Variants in ANGPT1 observed in about 807,000 individuals in gnomAD.
ANGPT1 encodes angiopoietin 1.
A neutral mutation model predicts 62.2 loss-of-function variants in ANGPT1; 17 were observed. That is an observed-to-expected ratio of 0.27 (90% CI 0.19 to 0.41). The LOEUF is 0.41. Ranked by LOEUF, ANGPT1 falls within the 10% of genes least tolerant of loss-of-function variation. ANGPT1 has a pLI of 1.00. For synonymous variants in ANGPT1, 199 were observed against 198.9 expected (o/e 1.00, Z 0.00); for missense variants, 478 against 594.9 (o/e 0.80, Z 2.04).
chr8:107,303,859 G>A (rs1814653228), intron 4 of ANGPT1, among the ~76,000 whole-genome samples: 1 of 150,862 alleles, frequency 6.6e-6, no homozygotes, highest in Non-Finnish European at 1.5e-5. Context: ...AACAATGGAA[G>A]TACTGTTTTT....
chr8:107,312,063 C>CAAA (rs927603600), intron 4 of ANGPT1, among the ~76,000 whole-genome samples: 1 of 71,056 alleles, frequency 1.4e-5, no homozygotes, highest in African/African-American at 5.0e-5. Flanking sequence ...GACTCCGTTT[C>CAAA]AAAAAAAAAA....
chr8:107,271,969 G>T (rs147495955), intron 7 of ANGPT1, among the ~76,000 whole-genome samples: 56 of 149,382 alleles, frequency 3.7e-4, no homozygotes, highest in Admixed American at 7.4e-4. Flanking sequence ...TAATTCTCAT[G>T]ACTACTTGCT....
At chr8:107,441,587 C>T (rs1236686330) in intron 1 of ANGPT1, among the ~76,000 whole-genome samples, 1 of 152,154 alleles carries the variant, frequency 6.6e-6, no homozygotes, top group Non-Finnish European at 1.5e-5. Flanking sequence ...ATTTGAATTG[C>T]TGCTTCATCA....
intron 1 of ANGPT1, among the ~76,000 whole-genome samples, chr8:107,496,446 A>G (rs772037960): frequency 7.9e-5 from 12 of 152,230 alleles, no homozygotes; most frequent in Non-Finnish European, 1.8e-4. Context: ...ATTAACATTC[A>G]TCAAATAACA....
At chr8:107,380,359 T>TTGTGTGTG (rs71308731) in intron 1 of ANGPT1, among the ~76,000 whole-genome samples, 120 of 148,782 alleles carry the variant, frequency 8.1e-4, no homozygotes, top group African/African-American at 2.5e-3. Flanking sequence ...TGCAGGATGT[T>TTGTGTGTG]TGTGTGTGTG....
chr8:107,435,862 A>G (rs1811319239), intron 1 of ANGPT1, among the ~76,000 whole-genome samples: 1 of 152,168 alleles, frequency 6.6e-6, no homozygotes, highest in African/African-American at 2.4e-5. Context: ...TGCACCTTCA[A>G]AATAACCCTA....
intron 1 of ANGPT1, among the ~76,000 whole-genome samples, chr8:107,376,490 G>C (rs917640395): frequency 2.0e-5 from 3 of 152,162 alleles, no homozygotes; most frequent in Non-Finnish European, 2.9e-5. Context: ...AGAAAGAACA[G>C]ATCTTACAAA....
chr8:107,402,104 G>A (rs1817058554), intron 1 of ANGPT1, among the ~76,000 whole-genome samples: 1 of 152,128 alleles, frequency 6.6e-6, no homozygotes, highest in African/African-American at 2.4e-5. Flanking sequence ...GCTGAAGAAT[G>A]GGACTAAAAA....
intron 1 of ANGPT1, among the ~76,000 whole-genome samples, chr8:107,477,566 G>A (rs762891545): frequency 2.0e-5 from 3 of 152,092 alleles, no homozygotes; most frequent in Non-Finnish European, 2.9e-5. Flanking sequence ...TTTGCACTGG[G>A]ATAGATATTA....
At chr8:107,317,640 T>C (rs1461287896) in intron 4 of ANGPT1, among the ~76,000 whole-genome samples, 1 of 151,496 alleles carries the variant, frequency 6.6e-6, no homozygotes, top group African/African-American at 2.4e-5. Flanking sequence ...TTTTATTTTT[T>C]TTTTTTTTGA....
At chr8:107,365,005 A>G (rs749001493) in intron 1 of ANGPT1, among the ~76,000 whole-genome samples, 16 of 152,176 alleles carry the variant, frequency 1.1e-4, no homozygotes, top group Non-Finnish European at 1.8e-4. Flanking sequence ...TATAGTTAAC[A>G]CAACTACCTG....
intron 7 of ANGPT1, among the ~76,000 whole-genome samples, chr8:107,268,175 G>T (rs920821443): frequency 6.6e-6 from 1 of 152,074 alleles, no homozygotes; most frequent in African/African-American, 2.4e-5. Context: ...AGGCCTCAAT[G>T]TTCATTGACT....
intron 1 of ANGPT1, among the ~76,000 whole-genome samples, chr8:107,347,313 T>C (rs1173448054): frequency 1.3e-5 from 2 of 152,192 alleles, no homozygotes; most frequent in African/African-American, 4.8e-5. Flanking sequence ...TTTATAATCA[T>C]CACAATCATA....
chr8:107,299,735 G>T (rs1169584887), intron 5 of ANGPT1, among the ~76,000 whole-genome samples: 1 of 123,856 alleles, frequency 8.1e-6, no homozygotes, highest in African/African-American at 3.0e-5. Flanking sequence ...GTTATATCTA[G>T]ATATACTATA....
At chr8:107,262,024 G>A (rs753139198) in intron 8 of ANGPT1, among the ~76,000 whole-genome samples, 31 of 151,856 alleles carry the variant, frequency 2.0e-4, no homozygotes, top group Non-Finnish European at 4.4e-4. Flanking sequence ...GTGAAACCCT[G>A]TCTCTACTAA....
Position 107,251,969 on chromosome 8 carries a change from G to A in ANGPT1, c.1383C>T (p.Phe461=), listed in dbSNP as rs148496185. 6 of 1,613,826 alleles carry A rather than the reference G, an allele frequency of 3.7e-6. No individual in the cohort carries two copies. Among genetic ancestry groups the A allele is most frequent in the Non-Finnish European group, 5.1e-6 (6 of 1,179,840 alleles). Residue 461 remains phenylalanine, a synonymous_variant, in exon 9 of 9, where the codon TTC becomes TTT. Transcript: ENST00000517746. ...TTCCATGGTTTTGTCCCGCAGTATA[G>A]AACATTCCATTTAGATTGGAGGGGC... is the stretch of plus-strand genomic sequence containing the variant. ...ACGPSNLNGM[F]YTAGQNHGKL... is the part of the protein sequence containing the mutation.
At chr8:107,411,171 A>G (rs62513199) in intron 1 of ANGPT1, among the ~76,000 whole-genome samples, 1,862 of 152,280 alleles carry the variant, frequency 0.012, 20 homozygotes, top group South Asian at 0.032. Flanking sequence ...ATGGCTAGAT[A>G]TGCAAGTGAT....
chr8:107,306,797 T>A (rs1171704648), intron 4 of ANGPT1, among the ~76,000 whole-genome samples: 1 of 151,608 alleles, frequency 6.6e-6, no homozygotes, highest in African/African-American at 2.4e-5. Context: ...GTAATACCAG[T>A]GTTTTGGGAG....
At chr8:107,420,506 C>A (rs1276428056) in intron 1 of ANGPT1, among the ~76,000 whole-genome samples, 1 of 152,108 alleles carries the variant, frequency 6.6e-6, no homozygotes, top group Non-Finnish European at 1.5e-5. Flanking sequence ...GTTGTCTCTC[C>A]TCTATTTACT....
Sources: gnomAD v4.1 joint callset for allele counts (sites outside exome capture counted in the v4.1 genomes callset) on GRCh38, gnomAD v4.1.1 for gene constraint, MANE v1.5 for transcripts, NCBI Gene and HGNC (gene_info 2026-07-23, HGNC 2026-07-21) for gene names.